The following PPP2R3A variants were observed in gnomAD, a reference collection of about 807,000 sequenced individuals.
PPP2R3A encodes protein phosphatase 2 regulatory subunit B''alpha, also known as serine/threonine-protein phosphatase 2A regulatory subunit B'' subunit alpha.
PPP2R3A carries 80 observed loss-of-function variants against 106.9 expected under a neutral mutation model. The observed-to-expected ratio is 0.75, with a 90% CI of 0.62 to 0.90. The LOEUF (loss-of-function observed/expected upper bound fraction) is 0.90, where lower values mean the gene tolerates loss of function less well. Ranked by LOEUF, PPP2R3A falls within the 40% of genes least tolerant of loss-of-function variation. The probability of loss-of-function intolerance (pLI) is 0.00; values close to 1 mark genes in which losing one functional copy is unlikely to be tolerated. For missense variants in PPP2R3A, 1,386 were observed against 1,350.4 expected (o/e 1.03, Z -0.41); for synonymous variants, 483 against 468.3 (o/e 1.03, Z -0.41).
intron 3 of PPP2R3A, among the ~76,000 whole-genome samples, chr3:136,038,611 G>T (rs952289501): frequency 2.0e-5 from 3 of 152,188 alleles, no homozygotes; most frequent in African/African-American, 4.8e-5. Flanking sequence ...TGGTAAGCCA[G>T]TTCCAGCGTC....
chr3:136,010,480 G>T (rs2107800542), intron 2 of PPP2R3A, among the ~76,000 whole-genome samples: 1 of 138,210 alleles, frequency 7.2e-6, no homozygotes, highest in Non-Finnish European at 1.5e-5. Flanking sequence ...AGGCTGGAGT[G>T]CAGTGGCGGG....
chr3:136,043,336 G>A (rs1935357933), intron 4 of PPP2R3A, among the ~76,000 whole-genome samples: 1 of 152,124 alleles, frequency 6.6e-6, no homozygotes, highest in Non-Finnish European at 1.5e-5. Context: ...GCGGGCACCT[G>A]TAGTCCCAGC....
intron 1 of PPP2R3A, among the ~76,000 whole-genome samples, chr3:135,989,654 G>A (rs1933072748): frequency 2.0e-5 from 3 of 152,098 alleles, no homozygotes; most frequent in Admixed American, 2.0e-4. Flanking sequence ...TGCTGCCACA[G>A]CTGAAGTCAG....
intron 2 of PPP2R3A, among the ~76,000 whole-genome samples, chr3:136,015,991 A>T (rs111531810): frequency 0.011 from 1,652 of 152,234 alleles, 25 homozygotes; most frequent in African/African-American, 0.037. Context: ...CTTTTGCTGT[A>T]TCCCCGAGGT....
chr3:135,991,987 T>A (rs1287105809), intron 1 of PPP2R3A, among the ~76,000 whole-genome samples: 2 of 152,212 alleles, frequency 1.3e-5, no homozygotes, highest in African/African-American at 4.8e-5. Context: ...TGTATACACT[T>A]TCTTTGAGCA....
intron 6 of PPP2R3A, among the ~76,000 whole-genome samples, chr3:136,074,633 G>T (rs1025663046): frequency 6.6e-6 from 1 of 152,216 alleles, no homozygotes; most frequent in African/African-American, 2.4e-5. Context: ...ACTTCTTTAT[G>T]ACACTGGTGC....
intron 13 of PPP2R3A, among the ~76,000 whole-genome samples, chr3:136,144,102 A>G (rs1178776198): frequency 6.6e-6 from 1 of 152,202 alleles, no homozygotes; most frequent in African/African-American, 2.4e-5. Flanking sequence ...CCAAGAGAAA[A>G]TATTTCATCT....
In PPP2R3A at chr3:136,145,229, G is replaced by A; in HGVS notation, c.*63G>A. On this transcript the variant is annotated 3_prime_UTR_variant, in exon 14 of 14. Coordinates refer to ENST00000264977, the MANE Select transcript of PPP2R3A (RefSeq NM_002718.5). ...AAATGTTTCTTTCTTGTGAAGAGAT[G>A]TTCTCGTTTGCATACTGCTTTTTAA... is the stretch of plus-strand genomic sequence containing the variant. The A allele has an allele frequency of 6.5e-7, 1 of 1,537,416 alleles. No individual in the cohort carries two copies. Among genetic ancestry groups the A allele is most frequent in the South Asian group, 1.3e-5 (1 of 79,444 alleles).
chr3:136,024,705 C>T (rs111928774), intron 2 of PPP2R3A, among the ~76,000 whole-genome samples: 211 of 152,240 alleles, frequency 1.4e-3, no homozygotes, highest in African/African-American at 4.6e-3. Context: ...ATTCTATGGG[C>T]ATAACTGCCC....
At chr3:136,018,114 A>G (rs1340422544) in intron 2 of PPP2R3A, among the ~76,000 whole-genome samples, 1 of 152,144 alleles carries the variant, frequency 6.6e-6, no homozygotes, top group African/African-American at 2.4e-5. Flanking sequence ...TAAAAATACA[A>G]AAATTAGCTG....
intron 3 of PPP2R3A, among the ~76,000 whole-genome samples, chr3:136,031,159 G>C (rs565712091): frequency 1.3e-5 from 2 of 152,130 alleles, no homozygotes; most frequent in South Asian, 4.2e-4. Flanking sequence ...GTTTTTTCAG[G>C]GGTAAGGTGG....
intron 2 of PPP2R3A, among the ~76,000 whole-genome samples, chr3:136,024,901 C>G (rs576559253): frequency 1.3e-5 from 2 of 152,092 alleles, no homozygotes. Context: ...TATTGACTTA[C>G]GGGACTGTGT....
chr3:136,133,079 C>T (rs1938485860), intron 13 of PPP2R3A, among the ~76,000 whole-genome samples: 1 of 152,124 alleles, frequency 6.6e-6, no homozygotes, highest in African/African-American at 2.4e-5. Context: ...AGGGCTAAAA[C>T]TACAAAGCTT....
chr3:135,972,712 C>T (rs1472737640), intron 1 of PPP2R3A, among the ~76,000 whole-genome samples: 5 of 152,100 alleles, frequency 3.3e-5, no homozygotes, highest in African/African-American at 4.8e-5. Context: ...TGACTACTGA[C>T]GTTGAGCATC....
intron 1 of PPP2R3A, among the ~76,000 whole-genome samples, chr3:135,999,638 T>C (rs1933542570): frequency 6.6e-6 from 1 of 152,234 alleles, no homozygotes; most frequent in Admixed American, 6.5e-5. Context: ...GGTTTTCTGC[T>C]GTTGATGTCC....
intron 5 of PPP2R3A, among the ~76,000 whole-genome samples, chr3:136,063,301 C>A (rs1396047818): frequency 1.3e-5 from 2 of 152,168 alleles, no homozygotes; most frequent in Non-Finnish European, 2.9e-5. Flanking sequence ...CAATGTTAGA[C>A]CTAAAACCAT....
chr3:136,141,952 A>C (rs1938889378), intron 13 of PPP2R3A, among the ~76,000 whole-genome samples: 1 of 152,200 alleles, frequency 6.6e-6, no homozygotes. Flanking sequence ...CATTGACTAA[A>C]ATAGGGAGAA....
intron 1 of PPP2R3A, among the ~76,000 whole-genome samples, chr3:135,996,187 G>C (rs1933391160): frequency 6.6e-6 from 1 of 152,142 alleles, no homozygotes; most frequent in Non-Finnish European, 1.5e-5. Context: ...TTTTAGAATT[G>C]AAAAATACTG....
intron 13 of PPP2R3A, among the ~76,000 whole-genome samples, chr3:136,119,286 G>A (rs536083551): frequency 6.6e-6 from 1 of 152,216 alleles, no homozygotes; most frequent in East Asian, 1.9e-4. Flanking sequence ...AACCTAGGCA[G>A]TACCATTCAA....
Sources: allele counts gnomAD v4.1 joint callset (sites outside exome capture counted in the v4.1 genomes callset), GRCh38; gene constraint gnomAD v4.1.1; transcripts MANE v1.5; gene names NCBI Gene and HGNC (gene_info 2026-07-23, HGNC 2026-07-21).